KDM6B: variants seen among roughly 807,000 people sequenced by gnomAD.
KDM6B encodes lysine demethylase 6B.
KDM6B carries 22 observed loss-of-function variants against 150.4 expected under a neutral mutation model. The ratio of observed to expected loss-of-function variants is 0.15; its 90% CI spans 0.10 to 0.21. The LOEUF (loss-of-function observed/expected upper bound fraction) is 0.21, where lower values mean the gene tolerates loss of function less well. Among genes scored for constraint, KDM6B ranks in the 10% least tolerant of loss-of-function variants. The pLI is 1.00. For missense variants in KDM6B, 1,984 were observed against 2,234.3 expected, an observed-to-expected ratio of 0.89 and a Z score of 2.26; for synonymous variants, 1,148 against 921.1, an observed-to-expected ratio of 1.25 and a Z score of -4.46.
chr17:7,843,202 C>T lies in KDM6B; in HGVS notation c.-268-1699C>T, dbSNP rs769941200. On this transcript the variant is annotated intron_variant, in intron 2 of 23. Coordinates refer to ENST00000448097, the MANE Select transcript of KDM6B (RefSeq NM_001348716.2). The surrounding 1 kb of genome is among the most constrained non-coding windows in gnomAD (Gnocchi z 4.5). Reference sequence around the variant, plus strand: ...GACCACTTCCCAAGCAGGCATCTGCCCCTCTGTTGTCTGGTTCCCCGGCTC... The same window carrying T: ...GACCACTTCCCAAGCAGGCATCTGCTCCTCTGTTGTCTGGTTCCCCGGCTC... Among the ~76,000 whole-genome samples, 22 of 152,108 alleles carry T rather than the reference C, an allele frequency of 1.4e-4. No individual in the cohort carries two copies. The highest frequency in any genetic ancestry group is 2.4e-4 in the Non-Finnish European group (16 of 68,024).
intron 6 of KDM6B, 53 bp from the exon 7 acceptor site, chr17:7,846,025 G>A (rs980967154): frequency 1.5e-5 from 24 of 1,594,334 alleles, no homozygotes; most frequent in Non-Finnish European, 2.0e-5. Context: ...GGCCTTGAAA[G>A]AGTCCCCTCA....
At chr17:7,835,242 G>A (rs535526508) in intron 1 of KDM6B, among the ~76,000 whole-genome samples, 1 of 152,238 alleles carries the variant, frequency 6.6e-6, no homozygotes, top group Admixed American at 6.5e-5. Flanking sequence ...TAGTGGGGAG[G>A]GGGGCACGCG....
chr17:7,847,975 A>C lies in KDM6B; in HGVS notation c.1687A>C (p.Ser563Arg), dbSNP rs766863089. The C allele has an allele frequency of 3.4e-5, 55 of 1,609,570 alleles. No individual in the cohort carries two copies. Among genetic ancestry groups the C allele is most frequent in the Non-Finnish European group, 4.3e-5 (51 of 1,178,890 alleles). The change falls in exon 12 of 24, where the codon AGC (serine) becomes CGC (arginine). Residue 563 changes from serine (S) to arginine (R), a missense_variant. Physicochemically the swap from Ser to Arg is moderately radical, Grantham distance 110. Coordinates refer to ENST00000448097, the MANE Select transcript of KDM6B (RefSeq NM_001348716.2). ...SSNSNSGSHS[S>R]SPAGPVSFPP... ...CAACAGCAACAGTGGCAGCCACAGC[A>C]GCAGCCCTGCTGGGCCTGTGTCCTT...
chr17:7,835,683 C>T (rs1298311281), intron 1 of KDM6B, among the ~76,000 whole-genome samples: 5 of 152,028 alleles, frequency 3.3e-5, no homozygotes, highest in African/African-American at 1.2e-4. Flanking sequence ...GGAGGGGCAG[C>T]GGCGGAGGCT....
chr17:7,845,629 T>C lies in KDM6B; in HGVS notation c.75T>C (p.Ala25=). 1 of 1,614,170 alleles carries C rather than the reference T, an allele frequency of 6.2e-7. No homozygotes were observed. ...TTGCCCTTGGGGGCCTGAGCTGTGC[T>C]GGGGCCTGGAGCTCCTGCCCGCCTC... ...EAFALGGLSC[A]GAWSSCPPHP... is the part of the protein sequence containing the mutation. The change falls in exon 5 of 24, where the codon GCT becomes GCC. Residue 25 remains alanine (A), a synonymous_variant. Transcript: ENST00000448097.
intron 2 of KDM6B, among the ~76,000 whole-genome samples, chr17:7,842,913 G>A (rs1462546299): frequency 6.6e-6 from 1 of 152,140 alleles, no homozygotes; most frequent in East Asian, 1.9e-4. Flanking sequence ...TCCCGGGTGC[G>A]GACAAGGATC....
chr17:7,839,806 A>C (rs990922761), intron 1 of KDM6B, 100 bp from the exon 2 acceptor site: 1 of 152,090 alleles, frequency 6.6e-6, no homozygotes, highest in African/African-American at 2.4e-5. Flanking sequence ...ATCATATCTG[A>C]CCACCAGAGC....
At position 7,849,102 on chromosome 17, in the gene KDM6B, A is replaced by G. The variant is rs745835416; in HGVS notation, c.2814A>G (p.Pro938=). 3 of 1,612,390 alleles carry G rather than the reference A, an allele frequency of 1.9e-6. No individual in the cohort carries two copies. Among genetic ancestry groups the G allele is most frequent in the Non-Finnish European group, 2.5e-6 (3 of 1,179,882 alleles). ...VGRSATDPAD[P]VDTAEPADSG... is the part of the protein sequence containing the mutation. ...GGAGTGCCACTGACCCAGCCGACCC[A>G]GTGGACACAGCAGAGCCAGCGGACA... The change falls in exon 12 of 24, where the codon CCA becomes CCG. Residue 938 remains proline, a synonymous_variant. Transcript: ENST00000448097.
rs751876806 is a variant in KDM6B, at chr17:7,846,651, C to A, written c.622C>A (p.Pro208Thr). The A allele has an allele frequency of 2.5e-6, 4 of 1,614,018 alleles. No individual in the cohort carries two copies. Among genetic ancestry groups the A allele is most frequent in the African/African-American group, 1.3e-5 (1 of 74,912 alleles). The change falls in exon 9 of 24, where the codon CCT (proline) becomes ACT (threonine). Residue 208 changes from proline (P) to threonine (T), a missense_variant. By Grantham distance (38) the Pro-to-Thr change is conservative (BLOSUM62 -1). Around this residue, in one of 13 missense-constraint regions of KDM6B, gnomAD observed 337 missense variants for 323.9 expected, o/e 1.04. Coordinates refer to ENST00000448097, the MANE Select transcript of KDM6B (RefSeq NM_001348716.2). ...AGCTGCTGAACCCCCAGTGGTGCAG[C>A]CTGTGCCTCCTGCAGCACTCTCAGG... ...KRAAEPPVVQ[P>T]VPPAALSGPS...
At chr17:7,846,795 T>C (rs201216398) in intron 9 of KDM6B, 24 bp from the exon 10 acceptor site, 1 of 1,613,434 alleles carries the variant, frequency 6.2e-7, no homozygotes, top group Non-Finnish European at 8.5e-7. Context: ...GGGAATGGGA[T>C]TCTCACACTC....
In KDM6B at chr17:7,844,325, A is replaced by G. The variant is rs371794794; in HGVS notation, c.-268-576A>G. 1.4e-5 allele frequency: 2 copies of G among 144,984 alleles called. No homozygotes were observed. The highest frequency in any genetic ancestry group is 3.9e-4 in the East Asian group (2 of 5,156). The allele number at this position is 144,984 out of a possible 1,614,324, so 9.0% of individuals were successfully genotyped here. ...GTCGGTATTGAAGACCCAGAAAGCC[A>G]GGGGAAGTAGAGGACCTGGAGGAAC... On this transcript the variant is annotated intron_variant, in intron 2 of 23. Coordinates refer to ENST00000448097, the MANE Select transcript of KDM6B (RefSeq NM_001348716.2). The surrounding 1 kb of genome is among the most constrained non-coding windows in gnomAD (Gnocchi z 5.9).
intron 5 of KDM6B, 47 bp downstream of exon 5, chr17:7,845,738 C>G: frequency 6.2e-7 from 1 of 1,613,182 alleles, no homozygotes. Context: ...CTTTCCATCT[C>G]TGTATCCCTC....
rs2078552912 is a variant in KDM6B at position 7,846,859 on chromosome 17, T to TCCACCACC, written c.752_753insCCACCACC (p.Leu251PhefsTer29). ...GGGCTGCCACTGCCTCCACCACCATTACCACCACCACCACCACCACCACCA... is the reference window on the plus strand; with the variant it reads ...GGGCTGCCACTGCCTCCACCACCATTCCACCACCACCACCACCACCACCACCACCACCA... On this transcript the variant is annotated frameshift_variant, in exon 10 of 24. Coordinates refer to ENST00000448097, the MANE Select transcript of KDM6B (RefSeq NM_001348716.2). LOFTEE classifies it high-confidence loss of function. The TCCACCACC allele has an allele frequency of 1.6e-5, 16 of 992,882 alleles. No individual in the cohort carries two copies. In the African/African-American group the frequency reaches 2.5e-4, roughly 16 times the overall value. The allele number at this position is 992,882 out of a possible 1,614,324, so 61.5% of individuals were successfully genotyped here.
rs760448220 is a variant in KDM6B at position 7,848,062 on chromosome 17, C to G, written c.1774C>G (p.Gln592Glu). The change falls in exon 12 of 24, where the codon CAG becomes GAG. Residue 592 changes from glutamine (Q) to glutamate (E), a missense_variant. Gln to Glu is a conservative substitution (Grantham distance 29, BLOSUM62 2). Coordinates refer to ENST00000448097, the MANE Select transcript of KDM6B (RefSeq NM_001348716.2). ...CCTTCCCCGGCCTCCCAGCCCAGCA[C>G]AGAACCCCCAGGACCCACCTCTTGT... is the stretch of plus-strand genomic sequence containing the variant. The part of the protein sequence containing the change: ...DPLPRPPSPA[Q>E]NPQDPPLVPL... The G allele has an allele frequency of 5.0e-6, 8 of 1,612,012 alleles. No individual in the cohort carries two copies. The highest frequency in any genetic ancestry group is 2.7e-5 in the African/African-American group (2 of 74,698).
At chr17:7,842,428 C>T (rs914218344) in intron 2 of KDM6B, among the ~76,000 whole-genome samples, 2 of 152,224 alleles carry the variant, frequency 1.3e-5, no homozygotes, top group African/African-American at 4.8e-5. Context: ...GATCTCCCAG[C>T]CTGGCTCTGG....
chr17:7,853,149 TCTCC>T (rs1450638282), intron 22 of KDM6B, 23 bp downstream of exon 22: 1 of 1,614,056 alleles, frequency 6.2e-7, no homozygotes, highest in South Asian at 1.1e-5. Context: ...GCTCTGCTGC[TCTCC>T]CTGAGTGTCC....
In KDM6B at chr17:7,845,609, C is replaced by T. The variant is rs775940947; in HGVS notation, c.55C>T (p.Leu19Phe). The T allele has an allele frequency of 5.0e-6, 8 of 1,614,202 alleles. No individual in the cohort carries two copies. Among genetic ancestry groups the T allele is most frequent in the Non-Finnish European group, 6.8e-6 (8 of 1,180,050 alleles). Residue 19 changes from leucine to phenylalanine, a missense_variant, in exon 5 of 24, where the codon CTT becomes TTT. Transcript: ENST00000448097. Reference sequence around the variant, plus strand: ...CCGCGCTGCACGGGAAGCCTTTGCCCTTGGGGGCCTGAGCTGTGCTGGGGC... The same window carrying T: ...CCGCGCTGCACGGGAAGCCTTTGCCTTTGGGGGCCTGAGCTGTGCTGGGGC... ...GARAAREAFA[L>F]GGLSCAGAWS... is the part of the protein sequence containing the mutation.
rs915721632 is a variant in KDM6B at position 7,839,200 on chromosome 17, T to G, written c.-387-706T>G. 3.9e-5 allele frequency among the ~76,000 whole-genome samples: 6 copies of G among 152,116 alleles called. No homozygotes were observed. In the South Asian group the frequency reaches 8.3e-4, roughly 21 times the overall value. ...TGGACTTATGCTAAAAGACCTAGCT[T>G]CTTGTCTATGAGGGTTGGGAAGGGA... On this transcript the variant is annotated intron_variant, in intron 1 of 23. Transcript: ENST00000448097.
At chr17:7,837,181 G>C (rs1006757203) in intron 1 of KDM6B, among the ~76,000 whole-genome samples, 1 of 152,132 alleles carries the variant, frequency 6.6e-6, no homozygotes, top group Admixed American at 6.5e-5. Context: ...CTACCTAGCC[G>C]TCATTTTACT....
Sources: allele counts gnomAD v4.1 joint callset (sites outside exome capture counted in the v4.1 genomes callset), GRCh38; gene constraint gnomAD v4.1.1; regional missense constraint gnomAD v4.1.1; non-coding constraint Gnocchi (gnomAD v3.1); transcripts MANE v1.5; gene names NCBI Gene and HGNC (gene_info 2026-07-23, HGNC 2026-07-21).